Variants in GOLGA1 observed in about 807,000 individuals in gnomAD.
GOLGA1 encodes golgin subfamily A member 1.
GOLGA1 carries 63 observed loss-of-function variants against 119.7 expected under a neutral mutation model. The ratio of observed to expected loss-of-function variants is 0.53; its 90% CI spans 0.43 to 0.65. The LOEUF is 0.65. Among genes scored for constraint, GOLGA1 ranks in the 30% least tolerant of loss-of-function variants. The pLI is 0.00. For synonymous variants in GOLGA1, 318 were observed against 333.4 expected, an observed-to-expected ratio of 0.95 and a Z score of 0.50; for missense variants, 798 against 912.8, an observed-to-expected ratio of 0.87 and a Z score of 1.62.
chr9:124,920,257 C>A (rs1258641348), intron 10 of GOLGA1, among the ~76,000 whole-genome samples: 1 of 149,852 alleles, frequency 6.7e-6, no homozygotes, highest in Non-Finnish European at 1.5e-5. Context: ...ACAGCTGGAA[C>A]TACAGGTGCA....
chr9:124,923,604 T>C (rs971863346), intron 7 of GOLGA1, among the ~76,000 whole-genome samples: 3 of 152,162 alleles, frequency 2.0e-5, no homozygotes, highest in Non-Finnish European at 4.4e-5. Flanking sequence ...AAAATAAATG[T>C]GTTTTAAATA....
chr9:124,880,643 C>G lies in GOLGA1; in HGVS notation c.2224-33G>C, dbSNP rs79294604. 2.8e-4 allele frequency: 371 copies of G among 1,348,886 alleles called. 2 individuals are homozygous for G. In the African/African-American group the frequency reaches 5.0e-3, roughly 18 times the overall value. The allele number at this position is 1,348,886 out of a possible 1,614,324, so 83.6% of individuals were successfully genotyped here. On this transcript the variant is annotated intron_variant, in intron 22 of 22. Transcript: ENST00000373555. ...TGAAACAGAAAAGGCTTCTGAGATGCAAATCAGGACTTGGTGCCAGGGAAA... is the reference window on the plus strand; with the variant it reads ...TGAAACAGAAAAGGCTTCTGAGATGGAAATCAGGACTTGGTGCCAGGGAAA...
intron 10 of GOLGA1, among the ~76,000 whole-genome samples, chr9:124,919,531 T>C (rs769507682): frequency 6.6e-6 from 1 of 152,194 alleles, no homozygotes; most frequent in Non-Finnish European, 1.5e-5. Flanking sequence ...GGAGTAAGAC[T>C]TGGGTTAGAA....
intron 10 of GOLGA1, among the ~76,000 whole-genome samples, chr9:124,916,948 G>A (rs1830460938): frequency 6.8e-6 from 1 of 146,944 alleles, no homozygotes; most frequent in African/African-American, 2.5e-5. Flanking sequence ...TAAAATTTTG[G>A]TATGTCCCTA....
intron 8 of GOLGA1, 83 bp downstream of exon 8, chr9:124,923,012 C>T (rs753365374): frequency 2.4e-6 from 2 of 836,262 alleles, no homozygotes; most frequent in Admixed American, 4.8e-5. Context: ...GTATGTTTAT[C>T]AGCAATTAGA....
At chr9:124,897,812 C>T (rs1830013399) in intron 15 of GOLGA1, among the ~76,000 whole-genome samples, 1 of 152,136 alleles carries the variant, frequency 6.6e-6, no homozygotes, top group Non-Finnish European at 1.5e-5. Context: ...TTACTGGAAG[C>T]TTACTAGGTG....
At position 124,898,381 on chromosome 9, in the gene GOLGA1, T is replaced by C. The variant is rs1243350616; in HGVS notation, c.1407+168A>G. Among the ~76,000 whole-genome samples the C allele has an allele frequency of 3.9e-5, 6 of 152,314 alleles. No homozygotes were observed. In the East Asian group the frequency reaches 1.2e-3, roughly 29 times the overall value. On this transcript the variant is annotated intron_variant, in intron 15 of 22. Coordinates refer to ENST00000373555, the MANE Select transcript of GOLGA1 (RefSeq NM_002077.4). Reference sequence around the variant, plus strand: ...AATTCTTCCTACTGTCCTGGATCCCTGAGAGAACTTAATGAAGTGGCAATT... The same window carrying C: ...AATTCTTCCTACTGTCCTGGATCCCCGAGAGAACTTAATGAAGTGGCAATT...
chr9:124,900,352 G>T, intron 13 of GOLGA1, 100 bp downstream of exon 13: 1 of 686,602 alleles, frequency 1.5e-6, no homozygotes, highest in South Asian at 1.7e-5. Context: ...GGCAGGTCCA[G>T]GTACCGTTGC....
chr9:124,902,472 G>A (rs921346747), intron 12 of GOLGA1, among the ~76,000 whole-genome samples: 1 of 150,796 alleles, frequency 6.6e-6, no homozygotes, highest in Non-Finnish European at 1.5e-5. Flanking sequence ...GTGAAGGAGA[G>A]GTAGACACAC....
intron 15 of GOLGA1, among the ~76,000 whole-genome samples, chr9:124,894,935 CTCCACAACAGAGACCCA>C (rs1369517565): frequency 7.1e-5 from 6 of 84,916 alleles, no homozygotes; most frequent in Non-Finnish European, 1.5e-4. Flanking sequence ...AACAGAGACC[CTCCACAACAGAGACCCA>C]TCCACAACAG....
At chr9:124,886,228 C>T (rs566753286) in intron 19 of GOLGA1, among the ~76,000 whole-genome samples, 8 of 152,266 alleles carry the variant, frequency 5.3e-5, no homozygotes, top group African/African-American at 1.4e-4. Context: ...GAGTCAGCTG[C>T]GCAGGGCATG....
chr9:124,884,425 AT>A (rs1391299252), intron 19 of GOLGA1, among the ~76,000 whole-genome samples: 1 of 152,126 alleles, frequency 6.6e-6, no homozygotes. Flanking sequence ...TTGTAAATAC[AT>A]TTTTCATGTA....
At chr9:124,905,907 G>A (rs1025601321) in intron 12 of GOLGA1, among the ~76,000 whole-genome samples, 15 of 150,928 alleles carry the variant, frequency 9.9e-5, no homozygotes, top group African/African-American at 3.4e-4. Context: ...GAGGTCAGGA[G>A]TTCGAGACCA....
chr9:124,884,892 C>T lies in GOLGA1; in HGVS notation c.1906-2323G>A, dbSNP rs191288087. Among the ~76,000 whole-genome samples, 240 of 152,250 alleles carry T rather than the reference C, an allele frequency of 1.6e-3. 2 individuals carry two copies. The highest frequency in any genetic ancestry group is 5.6e-3 in the African/African-American group (232 of 41,540). ...AACAAAAAAGTCAAAAGTTCACCCT[C>T]GAGGGGAAAAGAATCAATAAACAGG... On this transcript the variant is annotated intron_variant, in intron 19 of 22. Coordinates refer to ENST00000373555, the MANE Select transcript of GOLGA1 (RefSeq NM_002077.4).
chr9:124,931,287 G>C (rs745498875), intron 4 of GOLGA1, 29 bp downstream of exon 4: 1 of 1,053,842 alleles, frequency 9.5e-7, no homozygotes, highest in South Asian at 1.3e-5. Flanking sequence ...GTTTCCTGTT[G>C]TTTGCTTTTT....
chr9:124,899,685 T>C (rs1239089364), intron 13 of GOLGA1, among the ~76,000 whole-genome samples: 1 of 152,234 alleles, frequency 6.6e-6, no homozygotes, highest in East Asian at 1.9e-4. Flanking sequence ...CTTGATGTCA[T>C]CACTCCATCC....
chr9:124,908,251 G>A, intron 12 of GOLGA1, 126 bp downstream of exon 12: 1 of 679,408 alleles, frequency 1.5e-6, no homozygotes, highest in Non-Finnish European at 2.7e-6. Flanking sequence ...TCCCTGTATA[G>A]GTAAGATCCA....
rs1356101000 is a variant in GOLGA1, at chr9:124,881,618, G to A, written c.2136+166C>T. Among the ~76,000 whole-genome samples the A allele has an allele frequency of 1.3e-5, 2 of 152,138 alleles. No homozygotes were observed. Among genetic ancestry groups the A allele is most frequent in the Non-Finnish European group, 2.9e-5 (2 of 68,034 alleles). On this transcript the variant is annotated intron_variant, in intron 21 of 22. Coordinates refer to ENST00000373555, the MANE Select transcript of GOLGA1 (RefSeq NM_002077.4). The surrounding 1 kb of genome is among the most constrained non-coding windows in gnomAD (Gnocchi z 4.9). The stretch of plus-strand genomic sequence containing the variant: ...TCCTGCACGGCCTCTCCCGCCAGCC[G>A]CTCACTCCGCAGGCCAACGCCAGCA...
At chr9:124,939,902 A>G (rs1372706440) in intron 2 of GOLGA1, among the ~76,000 whole-genome samples, 1 of 152,122 alleles carries the variant, frequency 6.6e-6, no homozygotes, top group Admixed American at 6.6e-5. Flanking sequence ...ATGATATTCA[A>G]AGTAAGATTC....
Sources: gnomAD v4.1 joint callset for allele counts (sites outside exome capture counted in the v4.1 genomes callset) on GRCh38, gnomAD v4.1.1 for gene constraint, Gnocchi (gnomAD v3.1) non-coding constraint, MANE v1.5 for transcripts, NCBI Gene and HGNC (gene_info 2026-07-23, HGNC 2026-07-21) for gene names.